Variants in ARL15 observed in about 807,000 individuals in gnomAD.
ARL15 encodes ARF like GTPase 15.
In ARL15, 19 loss-of-function variants were observed where a neutral mutation model predicts 25.2. The ratio of observed to expected loss-of-function variants is 0.75; its 90% confidence interval spans 0.53 to 1.10. ARL15 has a LOEUF of 1.10. ARL15 is among the 50% of genes least tolerant of loss of function. ARL15 has a pLI of 0.00. For missense variants in ARL15, 220 were observed against 246.0 expected, an observed-to-expected ratio of 0.89 and a Z score of 0.71; for synonymous variants, 94 against 86.8, an observed-to-expected ratio of 1.08 and a Z score of -0.46.
At chr5:54,096,329 G>A (rs1242703478) in intron 4 of ARL15, among the ~76,000 whole-genome samples, 5 of 152,158 alleles carry the variant, frequency 3.3e-5, no homozygotes, top group African/African-American at 9.7e-5. Context: ...CACAATGGTG[G>A]CACACAATAA....
chr5:54,250,186 C>A lies in ARL15; in HGVS notation c.48+60246G>T, dbSNP rs573597397. ...GGGGGTCGAGGGAGGCACCACACACCTTTAAACAACCAGATTTCCTGAGAG... is the reference window on the plus strand; with the variant it reads ...GGGGGTCGAGGGAGGCACCACACACATTTAAACAACCAGATTTCCTGAGAG... On this transcript the variant is annotated intron_variant, in intron 1 of 4. Coordinates refer to ENST00000504924, the MANE Select transcript of ARL15 (RefSeq NM_019087.3). Among the ~76,000 whole-genome samples the A allele has an allele frequency of 3.3e-5, 5 of 152,112 alleles. No homozygotes were observed. The South Asian group carries it at 1.0e-3, about 32-fold the overall frequency.
intron 1 of ARL15, among the ~76,000 whole-genome samples, chr5:54,248,755 T>C (rs1757159099): frequency 6.6e-6 from 1 of 152,228 alleles, no homozygotes; most frequent in South Asian, 2.1e-4. Context: ...CTTGCTCATC[T>C]CTGAACTGTT....
intron 3 of ARL15, among the ~76,000 whole-genome samples, chr5:54,151,577 A>G (rs146537958): frequency 6.6e-6 from 1 of 152,308 alleles, no homozygotes; most frequent in Non-Finnish European, 1.5e-5. Context: ...GAGAATTTTA[A>G]GAATTTTTCA....
At chr5:54,250,518 A>G (rs1447697573) in intron 1 of ARL15, among the ~76,000 whole-genome samples, 1 of 152,258 alleles carries the variant, frequency 6.6e-6, no homozygotes, top group African/African-American at 2.4e-5. Context: ...CTGATTGTGC[A>G]GTCTCTGAAG....
intron 1 of ARL15, among the ~76,000 whole-genome samples, chr5:54,205,815 T>C (rs1396686403): frequency 2.0e-5 from 3 of 152,194 alleles, no homozygotes; most frequent in Admixed American, 6.5e-5. Flanking sequence ...AAACAGTAAC[T>C]AAAGTTACCT....
At chr5:53,991,567 G>A (rs1447156533) in intron 4 of ARL15, among the ~76,000 whole-genome samples, 16 of 145,212 alleles carry the variant, frequency 1.1e-4, no homozygotes, top group African/African-American at 3.5e-4. Flanking sequence ...AAAAAGGGGG[G>A]GCGGGGGGCA....
At chr5:54,077,123 T>C (rs1751635364) in intron 4 of ARL15, among the ~76,000 whole-genome samples, 1 of 152,202 alleles carries the variant, frequency 6.6e-6, no homozygotes, top group African/African-American at 2.4e-5. Flanking sequence ...CCTGTTAACA[T>C]ATTGTCATTC....
chr5:54,041,755 G>A (rs540438489), intron 4 of ARL15, among the ~76,000 whole-genome samples: 5 of 152,316 alleles, frequency 3.3e-5, no homozygotes, highest in African/African-American at 1.2e-4. Flanking sequence ...AGCATCCATA[G>A]AGGGCAATGA....
chr5:53,935,760 G>GT (rs1304615084), intron 4 of ARL15, among the ~76,000 whole-genome samples: 1 of 152,052 alleles, frequency 6.6e-6, no homozygotes, highest in Non-Finnish European at 1.5e-5. Flanking sequence ...TGTTTGTTTG[G>GT]TTTTTTTGTT....
At chr5:54,204,210 A>G (rs921755037) in intron 1 of ARL15, among the ~76,000 whole-genome samples, 1 of 152,186 alleles carries the variant, frequency 6.6e-6, no homozygotes, top group Admixed American at 6.5e-5. Context: ...AATTATATTA[A>G]TAACAGTGAG....
intron 1 of ARL15, among the ~76,000 whole-genome samples, chr5:54,190,974 T>C (rs1336965260): frequency 6.6e-6 from 1 of 152,126 alleles, no homozygotes; most frequent in East Asian, 1.9e-4. Flanking sequence ...TCAAAAGAAC[T>C]GAAAGCAGGA....
intron 4 of ARL15, among the ~76,000 whole-genome samples, chr5:54,079,405 G>T (rs1202316846): frequency 1.3e-5 from 2 of 152,100 alleles, no homozygotes; most frequent in Non-Finnish European, 2.9e-5. Flanking sequence ...AATATTAAGT[G>T]CTAATGCAAA....
At chr5:54,292,949 G>T (rs1027496861) in intron 1 of ARL15, among the ~76,000 whole-genome samples, 3 of 152,140 alleles carry the variant, frequency 2.0e-5, no homozygotes, top group Admixed American at 6.5e-5. Context: ...GGATATTCAA[G>T]AAATACTTTT....
intron 3 of ARL15, among the ~76,000 whole-genome samples, chr5:54,126,446 T>A (rs1753254373): frequency 6.6e-6 from 1 of 152,184 alleles, no homozygotes; most frequent in Non-Finnish European, 1.5e-5. Context: ...TATCCTTTAT[T>A]CCTAATTCTC....
intron 4 of ARL15, among the ~76,000 whole-genome samples, chr5:53,887,028 T>C (rs1319304458): frequency 6.6e-6 from 1 of 152,168 alleles, no homozygotes; most frequent in Non-Finnish European, 1.5e-5. Context: ...TCAAGATACA[T>C]TGCAGACACC....
intron 4 of ARL15, among the ~76,000 whole-genome samples, chr5:53,891,778 G>C (rs1009151165): frequency 1.3e-5 from 2 of 152,156 alleles, no homozygotes; most frequent in Admixed American, 1.3e-4. Flanking sequence ...AGGAGCTTTG[G>C]AAAGTTTTGC....
chr5:54,082,509 T>C (rs1751834684), intron 4 of ARL15, among the ~76,000 whole-genome samples: 1 of 152,174 alleles, frequency 6.6e-6, no homozygotes, highest in Non-Finnish European at 1.5e-5. Context: ...CTGGTAACAT[T>C]TTAAATTATC....
chr5:54,086,212 C>A (rs1751960684), intron 4 of ARL15, among the ~76,000 whole-genome samples: 1 of 152,120 alleles, frequency 6.6e-6, no homozygotes, highest in East Asian at 1.9e-4. Flanking sequence ...CCGTACTTGG[C>A]CTCTACACAT....
chr5:54,181,656 G>A (rs990947341), intron 1 of ARL15, among the ~76,000 whole-genome samples: 2 of 152,120 alleles, frequency 1.3e-5, no homozygotes, highest in African/African-American at 2.4e-5. Flanking sequence ...CTAGGTGGTC[G>A]GGCACAGTCG....
Sources: allele counts gnomAD v4.1 joint callset (sites outside exome capture counted in the v4.1 genomes callset), GRCh38; gene constraint gnomAD v4.1.1; transcripts MANE v1.5; gene names NCBI Gene and HGNC (gene_info 2026-07-23, HGNC 2026-07-21).